Variants in RYR2 observed in about 807,000 individuals in gnomAD.
RYR2 encodes cardiac muscle ryanodine receptor-calcium release channel.
In RYR2, 227 loss-of-function variants were observed where a neutral mutation model predicts 601.1. The ratio of observed to expected loss-of-function variants is 0.38; its 90% CI spans 0.34 to 0.42. The LOEUF (loss-of-function observed/expected upper bound fraction) is 0.42, where lower values mean the gene tolerates loss of function less well. Ranked by LOEUF, RYR2 falls within the 10% of genes least tolerant of loss-of-function variation. The pLI, the probability that RYR2 is intolerant of heterozygous loss-of-function variation, is 1.00. For missense variants in RYR2, 4,646 were observed against 6,156.5 expected (o/e 0.75, Z 8.21); for synonymous variants, 2,223 against 2,175.1 (o/e 1.02, Z -0.61).
intron 2 of RYR2, among the ~76,000 whole-genome samples, chr1:237,275,923 T>A (rs1223112071): frequency 1.3e-5 from 2 of 152,066 alleles, no homozygotes; most frequent in African/African-American, 2.4e-5. Flanking sequence ...ACAAAAGACT[T>A]TTCTATCTGA....
intron 16 of RYR2, among the ~76,000 whole-genome samples, chr1:237,468,175 T>C (rs1044239136): frequency 6.6e-6 from 1 of 152,152 alleles, no homozygotes; most frequent in Non-Finnish European, 1.5e-5. Context: ...TTTTCAATAG[T>C]GATTATTCTT....
At chr1:237,451,322 G>C (rs1658082220) in intron 14 of RYR2, among the ~76,000 whole-genome samples, 1 of 152,088 alleles carries the variant, frequency 6.6e-6, no homozygotes, top group Non-Finnish European at 1.5e-5. Flanking sequence ...TGTAATCGTA[G>C]CACTTTTGGG....
At chr1:237,586,997 A>G (rs2251514) in intron 29 of RYR2, among the ~76,000 whole-genome samples, 134,263 of 152,158 alleles carry the variant, frequency 0.88, 61,626 homozygotes, top group East Asian at 1. Flanking sequence ...GGGATTACAA[A>G]TGTCACTGGG....
At chr1:237,329,659 T>C (rs1696521029) in intron 2 of RYR2, among the ~76,000 whole-genome samples, 1 of 151,296 alleles carries the variant, frequency 6.6e-6, no homozygotes. Flanking sequence ...AAAAAAGAAA[T>C]TAAAACATAT....
chr1:237,345,559 A>G (rs1698233776), intron 3 of RYR2, among the ~76,000 whole-genome samples: 1 of 151,998 alleles, frequency 6.6e-6, no homozygotes, highest in African/African-American at 2.4e-5. Context: ...ACAGTATTAC[A>G]TGAGCTGGAA....
chr1:237,193,043 C>T (rs1420791783), intron 1 of RYR2, among the ~76,000 whole-genome samples: 1 of 151,754 alleles, frequency 6.6e-6, no homozygotes, highest in Non-Finnish European at 1.5e-5. Flanking sequence ...TTGAATGCGG[C>T]CAGGCGTGGT....
chr1:237,556,522 G>A (rs967753754), intron 27 of RYR2, among the ~76,000 whole-genome samples: 2 of 149,932 alleles, frequency 1.3e-5, no homozygotes, highest in African/African-American at 4.9e-5. Context: ...TATTGGCCAG[G>A]CTGGTCTTGA....
intron 1 of RYR2, among the ~76,000 whole-genome samples, chr1:237,161,957 C>G (rs75317377): frequency 0.017 from 2,574 of 152,206 alleles, 44 homozygotes; most frequent in Non-Finnish European, 0.022. Context: ...TGTTGAGCAC[C>G]TGTTATGTGT....
chr1:237,456,618 C>A lies in RYR2; in HGVS notation c.1495C>A (p.Leu499Ile). ...GTTCCAGGGAATGATCAACCTCGTG[C>A]TTGAGTGCATAGACCGTTTGCACGT... ...FQEEGMINLV[L>I]ECIDRLHVYS... The change falls in exon 16 of 105, where the codon CTT becomes ATT. Residue 499 changes from leucine (L) to isoleucine (I), a missense_variant. Coordinates refer to ENST00000366574, the MANE Select transcript of RYR2 (RefSeq NM_001035.3). The A allele has an allele frequency of 6.4e-7, 1 of 1,556,278 alleles. No individual in the cohort carries two copies. The highest frequency in any genetic ancestry group is 8.7e-7 in the Non-Finnish European group (1 of 1,146,858).
intron 1 of RYR2, among the ~76,000 whole-genome samples, chr1:237,061,283 CT>C (rs369533783): frequency 0.22 from 7,124 of 33,110 alleles, 248 homozygotes; most frequent in South Asian, 0.25. Context: ...TATCATCTAT[CT>C]ATCTATCTAT....
chr1:237,115,105 C>A (rs1017412644), intron 1 of RYR2, among the ~76,000 whole-genome samples: 2 of 152,076 alleles, frequency 1.3e-5, no homozygotes, highest in Non-Finnish European at 2.9e-5. Flanking sequence ...AGTGAAGACC[C>A]CAGGCTATCT....
At chr1:237,799,378 T>C (rs1217211603) in intron 97 of RYR2, among the ~76,000 whole-genome samples, 2 of 152,192 alleles carry the variant, frequency 1.3e-5, no homozygotes, top group African/African-American at 4.8e-5. Flanking sequence ...TACTGAGTTA[T>C]GCATTTTCTG....
intron 48 of RYR2, among the ~76,000 whole-genome samples, chr1:237,644,049 C>G (rs1681865232): frequency 1.3e-5 from 2 of 152,166 alleles, no homozygotes; most frequent in South Asian, 4.1e-4. Flanking sequence ...TGTCTTATGT[C>G]CTGCCTTGTG....
chr1:237,309,765 C>G (rs548444551), intron 2 of RYR2, among the ~76,000 whole-genome samples: 4 of 152,300 alleles, frequency 2.6e-5, no homozygotes, highest in African/African-American at 9.6e-5. Flanking sequence ...GTCCCGTGCC[C>G]TGCCCTGCGG....
At chr1:237,513,318 G>T (rs1001403936) in intron 24 of RYR2, among the ~76,000 whole-genome samples, 1 of 152,182 alleles carries the variant, frequency 6.6e-6, no homozygotes, top group African/African-American at 2.4e-5. Context: ...AACTGGATTT[G>T]TTCCAATAGG....
intron 73 of RYR2, among the ~76,000 whole-genome samples, chr1:237,722,721 C>G (rs574650686): frequency 1.2e-4 from 19 of 152,314 alleles, no homozygotes; most frequent in Non-Finnish European, 2.6e-4. Flanking sequence ...GCGTGAGCCA[C>G]CGTGCCTGGC....
intron 47 of RYR2, 145 bp downstream of exon 47, chr1:237,641,147 T>A: frequency 1.9e-6 from 1 of 532,018 alleles, no homozygotes; most frequent in Non-Finnish European, 3.2e-6. Context: ...ACTGAACAAG[T>A]GTTTGTTTAG....
chr1:237,456,343 T>C lies in RYR2; in HGVS notation c.1477-257T>C, dbSNP rs56084906. Among the ~76,000 whole-genome samples, 8,028 of 152,208 alleles carry C rather than the reference T, an allele frequency of 0.053. 659 individuals are homozygous for C. The highest frequency in any genetic ancestry group is 0.18 in the African/African-American group (7,554 of 41,488). On this transcript the variant is annotated intron_variant, in intron 15 of 104. Transcript: ENST00000366574. ...GAAGGCCATAAGTATGAAGTACATATTTTTAGGTTATTCTTCCACTGCTAT... is the reference window on the plus strand; with the variant it reads ...GAAGGCCATAAGTATGAAGTACATACTTTTAGGTTATTCTTCCACTGCTAT...
At chr1:237,197,353 A>G (rs1195922642) in intron 1 of RYR2, among the ~76,000 whole-genome samples, 1 of 152,156 alleles carries the variant, frequency 6.6e-6, no homozygotes, top group Non-Finnish European at 1.5e-5. Flanking sequence ...ATTCATCTCA[A>G]TTTACTGAGT....
Sources: gnomAD v4.1 joint callset for allele counts (sites outside exome capture counted in the v4.1 genomes callset) on GRCh38, gnomAD v4.1.1 for gene constraint, MANE v1.5 for transcripts, NCBI Gene and HGNC (gene_info 2026-07-23, HGNC 2026-07-21) for gene names.